PLD5: variants seen among roughly 807,000 people sequenced by gnomAD.
PLD5 encodes phospholipase D family member 5.
A neutral mutation model predicts 61.1 loss-of-function variants in PLD5; 36 were observed. That is an observed-to-expected ratio of 0.59 (90% CI 0.45 to 0.78). The LOEUF (loss-of-function observed/expected upper bound fraction) is 0.78. Ranked by LOEUF, PLD5 falls within the 30% of genes least tolerant of loss-of-function variation. The probability of loss-of-function intolerance (pLI) is 0.00; values close to 1 mark genes in which losing one functional copy is unlikely to be tolerated. For synonymous variants in PLD5, 243 were observed against 242.8 expected (o/e 1.00, Z -0.01); for missense variants, 515 against 644.4 (o/e 0.80, Z 2.17).
chr1:242,349,625 C>T (rs1660359534), intron 1 of PLD5, among the ~76,000 whole-genome samples: 1 of 152,144 alleles, frequency 6.6e-6, no homozygotes, highest in African/African-American at 2.4e-5. Context: ...ACATACATAT[C>T]ATTAGGCCCC....
At chr1:242,401,610 G>A (rs1337689831) in intron 1 of PLD5, among the ~76,000 whole-genome samples, 2 of 152,144 alleles carry the variant, frequency 1.3e-5, no homozygotes, top group Non-Finnish European at 2.9e-5. Context: ...GACATTAGGT[G>A]GTGTGCTCAG....
At chr1:242,337,051 T>C (rs1240046096) in intron 2 of PLD5, among the ~76,000 whole-genome samples, 1 of 151,836 alleles carries the variant, frequency 6.6e-6, no homozygotes, top group Non-Finnish European at 1.5e-5. Flanking sequence ...CGAGCTGAGA[T>C]GCAAATCAGG....
intron 7 of PLD5, among the ~76,000 whole-genome samples, chr1:242,113,084 CTTT>C (rs71570931): frequency 3.6e-5 from 4 of 110,666 alleles, no homozygotes; most frequent in East Asian, 2.6e-4. Context: ...CTCTCTCTCT[CTTT>C]TTTTTTTTTT....
intron 2 of PLD5, among the ~76,000 whole-genome samples, chr1:242,290,895 TA>T (rs1051780389): frequency 3.3e-5 from 5 of 151,506 alleles, no homozygotes; most frequent in African/African-American, 9.6e-5. Context: ...ATTAATCTTT[TA>T]AAAATGTGAA....
At chr1:242,501,440 C>T (rs919832075) in intron 1 of PLD5, among the ~76,000 whole-genome samples, 4 of 152,230 alleles carry the variant, frequency 2.6e-5, no homozygotes, top group Non-Finnish European at 5.9e-5. Context: ...CACTAACTCT[C>T]GTATGACCTT....
In PLD5 at chr1:242,207,784, TTATATTTATA is replaced by T. The variant is rs1287935331; in HGVS notation, c.735+12194_735+12203del. ...TATATTTATATATATTTATATATAT[TTATATTTATA>T]TATATTTATATATATTTATATTTAT... On this transcript the variant is annotated intron_variant, in intron 5 of 9. Transcript: ENST00000536534. 3.9e-4 allele frequency among the ~76,000 whole-genome samples: 24 copies of T among 61,336 alleles called. 3 individuals are homozygous for T. The highest frequency in any genetic ancestry group is 1.4e-3 in the South Asian group (3 of 2,198). The allele number at this position is 61,336 out of a possible 152,430, so 40.2% of individuals were successfully genotyped here.
At chr1:242,218,956 C>T in intron 5 of PLD5, among the ~76,000 whole-genome samples, 1 of 152,158 alleles carries the variant, frequency 6.6e-6, no homozygotes, top group South Asian at 2.1e-4. Flanking sequence ...TTCATTGAAA[C>T]TGTTATTGTT....
intron 5 of PLD5, among the ~76,000 whole-genome samples, chr1:242,174,430 AAC>A (rs1666979949): frequency 6.6e-6 from 1 of 152,062 alleles, no homozygotes; most frequent in Non-Finnish European, 1.5e-5. Context: ...GAGAAATAGG[AAC>A]ACTTTTACAC....
At chr1:242,493,732 A>T (rs1219463685) in intron 1 of PLD5, among the ~76,000 whole-genome samples, 1 of 152,212 alleles carries the variant, frequency 6.6e-6, no homozygotes, top group East Asian at 2.0e-4. Context: ...CCTCCAGCAG[A>T]GGATAGTTAC....
At chr1:242,104,395 A>G (rs1434201273) in intron 8 of PLD5, among the ~76,000 whole-genome samples, 1 of 151,476 alleles carries the variant, frequency 6.6e-6, no homozygotes, top group East Asian at 1.9e-4. Flanking sequence ...TGGCCTCCCA[A>G]AGTGTTGGGA....
chr1:242,459,249 AT>A (rs1667037747), intron 1 of PLD5, among the ~76,000 whole-genome samples: 1 of 152,238 alleles, frequency 6.6e-6, no homozygotes, highest in Admixed American at 6.5e-5. Context: ...GTAAAACGCC[AT>A]TTACAAGGAA....
At chr1:242,463,859 A>T (rs1223679757) in intron 1 of PLD5, among the ~76,000 whole-genome samples, 2 of 152,092 alleles carry the variant, frequency 1.3e-5, no homozygotes, top group Admixed American at 1.3e-4. Flanking sequence ...AAAAAAAGAA[A>T]CAAAAAAGGC....
chr1:242,368,767 G>A (rs545679992), intron 1 of PLD5, among the ~76,000 whole-genome samples: 1 of 152,196 alleles, frequency 6.6e-6, no homozygotes, highest in Non-Finnish European at 1.5e-5. Context: ...TTCCATTGGT[G>A]TAGCTGCAGG....
intron 1 of PLD5, among the ~76,000 whole-genome samples, chr1:242,520,388 A>T (rs1669242998): frequency 1.3e-5 from 2 of 152,098 alleles, no homozygotes; most frequent in South Asian, 4.2e-4. Context: ...ACAGACATGG[A>T]TTGTCTTGTT....
intron 6 of PLD5, among the ~76,000 whole-genome samples, chr1:242,121,330 A>T (rs1662344664): frequency 6.6e-6 from 1 of 152,290 alleles, no homozygotes; most frequent in East Asian, 1.9e-4. Context: ...ATAAATAGTT[A>T]TAAAAGTTAT....
At position 242,345,670 on chromosome 1, in the gene PLD5, A is replaced by G. The variant is rs1280924127; in HGVS notation, c.326+2436T>C. 9 of 790,888 alleles carry G rather than the reference A, an allele frequency of 1.1e-5. No individual in the cohort carries two copies. The South Asian group carries it at 1.2e-4, about 11-fold the overall frequency. 49.0% of individuals were successfully genotyped at this position (790,888 alleles called of 1,614,324 possible). The stretch of plus-strand genomic sequence containing the variant: ...AACCTTGATATCAACACTGACCTAA[A>G]GCCCACAGGTGTCCTCAGACCCTAT... On this transcript the variant is annotated intron_variant, in intron 2 of 9. Transcript: ENST00000536534.
At chr1:242,335,871 T>C (rs1005858590) in intron 2 of PLD5, among the ~76,000 whole-genome samples, 25 of 152,186 alleles carry the variant, frequency 1.6e-4, no homozygotes, top group African/African-American at 5.5e-4. Flanking sequence ...GGCTCCAAAA[T>C]CTAATTATAT....
chr1:242,468,089 T>C (rs1041496265), intron 1 of PLD5, among the ~76,000 whole-genome samples: 1 of 152,214 alleles, frequency 6.6e-6, no homozygotes, highest in African/African-American at 2.4e-5. Flanking sequence ...AGAGAGGAAA[T>C]GAAAATCTGT....
chr1:242,189,954 G>A (rs1339561029), intron 5 of PLD5, among the ~76,000 whole-genome samples: 2 of 152,106 alleles, frequency 1.3e-5, no homozygotes, highest in East Asian at 1.9e-4. Context: ...GAGACAGCTC[G>A]GGAGCAGAGC....
Sources: allele counts gnomAD v4.1 joint callset (sites outside exome capture counted in the v4.1 genomes callset), GRCh38; gene constraint gnomAD v4.1.1; transcripts MANE v1.5; gene names NCBI Gene and HGNC (gene_info 2026-07-23, HGNC 2026-07-21).